Variants in TEX15 observed in about 807,000 individuals in gnomAD.
TEX15 encodes the protein testis expressed 15, meiosis and synapsis associated.
A neutral mutation model predicts 237.3 loss-of-function variants in TEX15; 171 were observed. The ratio of observed to expected loss-of-function variants is 0.72; its 90% CI spans 0.64 to 0.82. The LOEUF is 0.82. Ranked by LOEUF, TEX15 falls within the 40% of genes least tolerant of loss-of-function variation. The pLI is 0.00. For missense variants in TEX15, 3,750 were observed against 3,646.5 expected (o/e 1.03, Z -0.73); for synonymous variants, 1,338 against 1,269.8 (o/e 1.05, Z -1.14).
At position 30,844,909 on chromosome 8, in the gene TEX15, G is replaced by A; in HGVS notation, c.5258C>T (p.Thr1753Ile). The A allele has an allele frequency of 1.2e-6, 2 of 1,613,424 alleles. No homozygotes were observed. Among genetic ancestry groups the A allele is most frequent in the Middle Eastern group, 1.6e-4 (1 of 6,062 alleles). Reference protein sequence around the residue: ...LTVDSFAASSTVPHCEQSCRE... With the variant: ...LTVDSFAASSIVPHCEQSCRE... ...ACAGCTCTGCTCACAGTGTGGTACA[G>A]TACTGGATGCTGCAAAAGAATCTAC... Residue 1753 changes from threonine to isoleucine, a missense_variant, in exon 8 of 11, where the codon ACT becomes ATT. Coordinates refer to ENST00000643185, the MANE Select transcript of TEX15 (RefSeq NM_001350162.2).
Position 30,844,242 on chromosome 8 carries a change from C to G in TEX15, c.5925G>C (p.Lys1975Asn). The change falls in exon 8 of 11, where the codon AAG becomes AAC. Residue 1975 changes from lysine (K) to asparagine (N), a missense_variant. Physicochemically the swap from Lys to Asn is moderately conservative, Grantham distance 94. Coordinates refer to ENST00000643185, the MANE Select transcript of TEX15 (RefSeq NM_001350162.2). The stretch of plus-strand genomic sequence containing the variant: ...AATCACTCACGTATGACGCAGGTTT[C>G]TTCAGAAGAGTAGGGACTTTACAGG... ...SETCKVPTLLKKPASYVSDFK... is the reference protein window; with the variant it reads ...SETCKVPTLLNKPASYVSDFK... 6.2e-7 allele frequency: 1 copy of G among 1,612,656 alleles called. No homozygotes were observed. Among genetic ancestry groups the G allele is most frequent in the South Asian group, 1.1e-5 (1 of 90,760 alleles).
chr8:30,852,089 ATTAAT>A (rs1221592459), intron 7 of TEX15, among the ~76,000 whole-genome samples: 1 of 146,218 alleles, frequency 6.8e-6, no homozygotes, highest in Non-Finnish European at 1.5e-5. Flanking sequence ...CCTTATGTAC[ATTAAT>A]TTAATCTTTT....
At chr8:30,882,154 A>G (rs1808539287) in intron 3 of TEX15, among the ~76,000 whole-genome samples, 1 of 152,200 alleles carries the variant, frequency 6.6e-6, no homozygotes, top group Non-Finnish European at 1.5e-5. Flanking sequence ...ATAAGGTCTC[A>G]CTATGTTTCC....
At chr8:30,854,254 C>T (rs1417976053) in intron 7 of TEX15, among the ~76,000 whole-genome samples, 4 of 133,076 alleles carry the variant, frequency 3.0e-5, no homozygotes, top group Admixed American at 1.5e-4. Flanking sequence ...TTTAACCTGA[C>T]TGACCAAAAA....
chr8:30,844,479 A>T lies in TEX15; in HGVS notation c.5688T>A (p.Asp1896Glu). The change falls in exon 8 of 11, where the codon GAT becomes GAA. Residue 1896 changes from aspartate (D) to glutamate (E), a missense_variant. Coordinates refer to ENST00000643185, the MANE Select transcript of TEX15 (RefSeq NM_001350162.2). ...TAGTATTTTTAGTGCTCAGATGGGA[A>T]TCAATCAAGTTAGTTGTAATAATTT... ...NEKIITTNLI[D>E]SHLSTKNTTT... 2 of 1,613,178 alleles carry T rather than the reference A, an allele frequency of 1.2e-6. No individual in the cohort carries two copies. The highest frequency in any genetic ancestry group is 2.2e-5 in the South Asian group (2 of 90,972).
At chr8:30,853,385 A>C (rs750044141) in intron 7 of TEX15, among the ~76,000 whole-genome samples, 4 of 152,216 alleles carry the variant, frequency 2.6e-5, no homozygotes, top group Non-Finnish European at 5.9e-5. Context: ...AATATAGTAC[A>C]ATTGGCCCTA....
At position 30,847,771 on chromosome 8, in the gene TEX15, A is replaced by G; in HGVS notation, c.2396T>C (p.Ile799Thr). 2 of 1,613,714 alleles carry G rather than the reference A, an allele frequency of 1.2e-6. No individual in the cohort carries two copies. Among genetic ancestry groups the G allele is most frequent in the Non-Finnish European group, 1.7e-6 (2 of 1,179,934 alleles). ...ETAHDSSNCS[I>T]TREHICVHRK... ...ATGGACACATATATGTTCTCTAGTT[A>G]TGCTGCAATTTGAACTGTCATGAGC... The change falls in exon 8 of 11, where the codon ATA (isoleucine) becomes ACA (threonine). Residue 799 changes from isoleucine to threonine, a missense_variant. Physicochemically the swap from Ile to Thr is moderately conservative, Grantham distance 89 (BLOSUM62 -1). Transcript: ENST00000643185.
chr8:30,880,334 A>G (rs1055484694), intron 3 of TEX15, among the ~76,000 whole-genome samples: 6 of 152,186 alleles, frequency 3.9e-5, no homozygotes, highest in Non-Finnish European at 1.5e-5. Context: ...CCGGCTGCCC[A>G]AAGTTATTTT....
rs978324295 is a variant in TEX15 at position 30,831,748 on chromosome 8, A to G, written c.*1538T>C. The G allele has an allele frequency of 2.6e-5, 4 of 152,244 alleles. No individual in the cohort carries two copies. The highest frequency in any genetic ancestry group is 9.6e-5 in the African/African-American group (4 of 41,482). The allele number at this position is 152,244 out of a possible 1,614,324, so 9.4% of individuals were successfully genotyped here. ...AACTTTTGGTTTACATATTAGTAGTAGTATTAACTATAAATGCTGTAACAT... is the reference window on the plus strand; with the variant it reads ...AACTTTTGGTTTACATATTAGTAGTGGTATTAACTATAAATGCTGTAACAT... On this transcript the variant is annotated 3_prime_UTR_variant, in exon 11 of 11. Coordinates refer to ENST00000643185, the MANE Select transcript of TEX15 (RefSeq NM_001350162.2).
At chr8:30,903,317 G>A (rs1376272149) in intron 1 of TEX15, among the ~76,000 whole-genome samples, 1 of 152,190 alleles carries the variant, frequency 6.6e-6, no homozygotes, top group Admixed American at 6.5e-5. Context: ...GCTATGGGGA[G>A]GAGTACTTCC....
At chr8:30,901,260 G>C (rs535092924) in intron 1 of TEX15, among the ~76,000 whole-genome samples, 11 of 152,220 alleles carry the variant, frequency 7.2e-5, no homozygotes, top group African/African-American at 2.2e-4. Flanking sequence ...ATCTGCACAG[G>C]AATATAGTGT....
intron 3 of TEX15, among the ~76,000 whole-genome samples, chr8:30,884,309 T>C (rs73670509): frequency 0.12 from 17,727 of 152,232 alleles, 1,723 homozygotes; most frequent in African/African-American, 0.27. Flanking sequence ...TCTTCTAAGT[T>C]CTTTAACTTG....
intron 4 of TEX15, among the ~76,000 whole-genome samples, chr8:30,871,817 T>C (rs1223734928): frequency 2.6e-5 from 4 of 152,126 alleles, no homozygotes; most frequent in South Asian, 2.1e-4. Context: ...TCATTTCCAA[T>C]AGATCTGGAT....
chr8:30,872,815 A>G (rs1004225134), intron 4 of TEX15, among the ~76,000 whole-genome samples: 1 of 152,202 alleles, frequency 6.6e-6, no homozygotes, highest in Non-Finnish European at 1.5e-5. Flanking sequence ...ACAGTTGCAC[A>G]ACGTATTTGT....
rs201903468 is a variant in TEX15, at chr8:30,848,420, C to T, written c.1747G>A (p.Asp583Asn). Reference protein sequence around the residue: ...TKEYSSHIFQDSQSSDLKTIY... With the variant: ...TKEYSSHIFQNSQSSDLKTIY... The stretch of plus-strand genomic sequence containing the variant: ...GTTTTTAAATCAGAAGACTGCGAGT[C>T]CTGAAAAATGTGACTACTGTACTCT... The change falls in exon 8 of 11, where the codon GAC (aspartate) becomes AAC (asparagine). Residue 583 changes from aspartate to asparagine, a missense_variant. Physicochemically the swap from Asp to Asn is conservative, Grantham distance 23. Coordinates refer to ENST00000643185, the MANE Select transcript of TEX15 (RefSeq NM_001350162.2). The T allele has an allele frequency of 6.2e-7, 1 of 1,613,966 alleles. No individual in the cohort carries two copies. The highest frequency in any genetic ancestry group is 8.5e-7 in the Non-Finnish European group (1 of 1,180,024).
chr8:30,839,849 G>T, intron 9 of TEX15, 57 bp downstream of exon 9: 2 of 1,128,366 alleles, frequency 1.8e-6, no homozygotes, highest in Non-Finnish European at 2.6e-6. Context: ...TAGTTGTTTA[G>T]TATTTGCCCA....
rs1026517044 is a variant in TEX15, at chr8:30,835,120, T to A, written c.9481+1683A>T. On this transcript the variant is annotated intron_variant, in intron 10 of 10. Coordinates refer to ENST00000643185, the MANE Select transcript of TEX15 (RefSeq NM_001350162.2). The stretch of plus-strand genomic sequence containing the variant: ...CTCCTCTCTACTAATATATATATAT[T>A]TTTTGGGACTGGGTCTTCCTGTCAC... Among the ~76,000 whole-genome samples the A allele has an allele frequency of 7.2e-5, 11 of 151,990 alleles. 1 individual carries two copies. Among genetic ancestry groups the A allele is most frequent in the Admixed American group, 2.6e-4 (4 of 15,242 alleles).
chr8:30,903,612 A>G (rs554707174), intron 1 of TEX15, among the ~76,000 whole-genome samples: 1 of 152,374 alleles, frequency 6.6e-6, no homozygotes. Context: ...CTAGCACAGG[A>G]TAACTTGCAT....
At chr8:30,890,230 T>C (rs1356464823) in intron 2 of TEX15, among the ~76,000 whole-genome samples, 5 of 151,752 alleles carry the variant, frequency 3.3e-5, no homozygotes, top group Non-Finnish European at 2.9e-5. Flanking sequence ...CATCTATTTA[T>C]ATAGGTTTTA....
Sources: gnomAD v4.1 joint callset for allele counts (sites outside exome capture counted in the v4.1 genomes callset) on GRCh38, gnomAD v4.1.1 for gene constraint, MANE v1.5 for transcripts, NCBI Gene and HGNC (gene_info 2026-07-23, HGNC 2026-07-21) for gene names.